VPS13D: variants seen among roughly 807,000 people sequenced by gnomAD.
The protein encoded by VPS13D is intermembrane lipid transfer protein VPS13D.
In VPS13D, 187 loss-of-function variants were observed where a neutral mutation model predicts 461.9. The observed-to-expected ratio is 0.40, with a 90% CI of 0.36 to 0.46. VPS13D has a LOEUF of 0.46. VPS13D is among the 20% of genes least tolerant of loss of function. The pLI, the probability that VPS13D is intolerant of heterozygous loss-of-function variation, is 0.60. For missense variants in VPS13D, 4,711 were observed against 5,364.9 expected, an observed-to-expected ratio of 0.88 and a Z score of 3.81; for synonymous variants, 1,951 against 1,986.3, an observed-to-expected ratio of 0.98 and a Z score of 0.47.
intron 67 of VPS13D, among the ~76,000 whole-genome samples, chr1:12,479,108 A>C (rs1645677113): frequency 6.6e-6 from 1 of 152,242 alleles, no homozygotes; most frequent in Non-Finnish European, 1.5e-5. Flanking sequence ...TAGGGAGGGC[A>C]TGTAGAAATA....
intron 50 of VPS13D, among the ~76,000 whole-genome samples, chr1:12,361,206 AATT>A (rs758455206): frequency 3.9e-5 from 6 of 152,030 alleles, no homozygotes; most frequent in South Asian, 2.1e-4. Context: ...AGAGACCAGT[AATT>A]ATTATTATTG....
chr1:12,277,744 G>A lies in VPS13D; in HGVS notation c.4156G>A (p.Val1386Ile), dbSNP rs1641658660. The change falls in exon 19 of 70, where the codon GTT becomes ATT. Residue 1386 changes from valine (V) to isoleucine (I), a missense_variant. Physicochemically the swap from Val to Ile is conservative, Grantham distance 29. Coordinates refer to ENST00000620676, the MANE Select transcript of VPS13D (RefSeq NM_015378.4). ...GAACATAAACATTGAATCACCAGTT[G>A]TTTCTATCCCTCGGAAGCCGGGGAG... ...ILNINIESPVVSIPRKPGSPE... is the reference protein window; with the variant it reads ...ILNINIESPVISIPRKPGSPE... 1.1e-5 allele frequency: 18 copies of A among 1,614,110 alleles called. No homozygotes were observed. Among genetic ancestry groups the A allele is most frequent in the Non-Finnish European group, 1.5e-5 (18 of 1,180,040 alleles).
At chr1:12,391,736 A>T (rs1195300689) in intron 60 of VPS13D, among the ~76,000 whole-genome samples, 1 of 152,162 alleles carries the variant, frequency 6.6e-6, no homozygotes, top group Non-Finnish European at 1.5e-5. Context: ...AAAATCTTTC[A>T]TTTGGGTAAC....
At chr1:12,468,761 G>T (rs1374330907) in intron 67 of VPS13D, among the ~76,000 whole-genome samples, 4 of 152,186 alleles carry the variant, frequency 2.6e-5, no homozygotes, top group Admixed American at 2.0e-4. Context: ...GGCTGGGCGC[G>T]GTGGCTCACG....
intron 24 of VPS13D, among the ~76,000 whole-genome samples, chr1:12,297,021 G>T (rs1642298866): frequency 6.6e-6 from 1 of 152,200 alleles, no homozygotes; most frequent in African/African-American, 2.4e-5. Context: ...CAATATGTAG[G>T]CTTTGAAGAG....
chr1:12,464,323 CCAAGAGTT>C (rs1365052461), intron 67 of VPS13D, among the ~76,000 whole-genome samples: 1 of 152,206 alleles, frequency 6.6e-6, no homozygotes, highest in Non-Finnish European at 1.5e-5. Context: ...ACCCAAGAGT[CCAAGAGTT>C]CTGCCTCTGA....
chr1:12,342,620 A>T (rs565706740), intron 41 of VPS13D, among the ~76,000 whole-genome samples: 3 of 152,250 alleles, frequency 2.0e-5, no homozygotes, highest in Non-Finnish European at 4.4e-5. Flanking sequence ...CACTTGAAAA[A>T]GTCATGCCTT....
At chr1:12,234,666 T>G (rs1279294121) in intron 2 of VPS13D, among the ~76,000 whole-genome samples, 2 of 152,240 alleles carry the variant, frequency 1.3e-5, no homozygotes, top group African/African-American at 4.8e-5. Flanking sequence ...GCAGCCACAA[T>G]GTACCGACAG....
chr1:12,293,738 A>G lies in VPS13D; in HGVS notation c.6033+34A>G, dbSNP rs940418615. The G allele has an allele frequency of 1.9e-6, 3 of 1,596,104 alleles. No individual in the cohort carries two copies. The African/African-American group carries it at 4.0e-5, about 21-fold the overall frequency. On this transcript the variant is annotated intron_variant, in intron 24 of 69. Coordinates refer to ENST00000620676, the MANE Select transcript of VPS13D (RefSeq NM_015378.4). ...CCTGGGCCCTCCAAGCTGCTTTTCC[A>G]GTTTGACTGATCAGTAGAACTTTTA...
intron 2 of VPS13D, among the ~76,000 whole-genome samples, chr1:12,237,137 A>C (rs558395807): frequency 8.1e-5 from 12 of 148,080 alleles, no homozygotes; most frequent in African/African-American, 2.1e-4. Context: ...GTGTATATAT[A>C]TGTGTGTGTG....
intron 67 of VPS13D, among the ~76,000 whole-genome samples, chr1:12,466,345 T>G (rs542189235): frequency 6.6e-5 from 10 of 152,306 alleles, no homozygotes; most frequent in African/African-American, 2.4e-4. Context: ...ATTCAAATGT[T>G]TATTAGGATA....
intron 65 of VPS13D, among the ~76,000 whole-genome samples, chr1:12,422,873 G>C (rs1018544911): frequency 1.0e-4 from 15 of 150,106 alleles, no homozygotes; most frequent in African/African-American, 3.4e-4. Flanking sequence ...TTTCTTACAG[G>C]ATGTTTTTCC....
At chr1:12,432,209 C>G (rs941287372) in intron 65 of VPS13D, among the ~76,000 whole-genome samples, 1 of 151,928 alleles carries the variant, frequency 6.6e-6, no homozygotes, top group African/African-American at 2.4e-5. Flanking sequence ...GCCTGACTAA[C>G]TTGGAGAAAC....
intron 39 of VPS13D, chr1:12,337,144 G>A (rs1460411756): frequency 6.6e-6 from 1 of 151,986 alleles, no homozygotes; most frequent in Non-Finnish European, 1.5e-5. Context: ...CTGAGTTAAA[G>A]CTTGATTTTT....
chr1:12,442,366 C>G (rs1414001084), intron 65 of VPS13D, among the ~76,000 whole-genome samples: 1 of 152,146 alleles, frequency 6.6e-6, no homozygotes, highest in Non-Finnish European at 1.5e-5. Flanking sequence ...TAATCACCTT[C>G]TAAGTGCTCT....
At position 12,348,811 on chromosome 1, in the gene VPS13D, G is replaced by A. The variant is rs1429268760; in HGVS notation, c.9070-12G>A. 1.2e-5 allele frequency: 20 copies of A among 1,611,652 alleles called. No individual in the cohort carries two copies. Among genetic ancestry groups the A allele is most frequent in the East Asian group, 2.2e-5 (1 of 44,810 alleles). The stretch of plus-strand genomic sequence containing the variant: ...GAAACATAACTATTTTGTCTTTATC[G>A]CTCTTTCACAGTTCTCTTCACTCCC... On this transcript the variant is annotated splice_polypyrimidine_tract_variant and intron_variant, in intron 44 of 69. Transcript: ENST00000620676.
chr1:12,442,602 T>C (rs1041132595), intron 65 of VPS13D, among the ~76,000 whole-genome samples: 11 of 150,852 alleles, frequency 7.3e-5, no homozygotes, highest in African/African-American at 2.5e-4. Flanking sequence ...TTTTTTTTTT[T>C]CCTTTTCTCT....
At chr1:12,478,772 T>C (rs534448581) in intron 67 of VPS13D, 1 of 456,104 alleles carries the variant, frequency 2.2e-6, no homozygotes, top group South Asian at 1.5e-5. Context: ...TAGTGCTTTC[T>C]TCAGAGTAGC....
chr1:12,319,269 C>G, intron 31 of VPS13D, among the ~76,000 whole-genome samples: 1 of 152,156 alleles, frequency 6.6e-6, no homozygotes, highest in East Asian at 1.9e-4. Context: ...AAATCACATC[C>G]CAGTCTTTCC....
Sources: gnomAD v4.1 joint callset for allele counts (sites outside exome capture counted in the v4.1 genomes callset) on GRCh38, gnomAD v4.1.1 for gene constraint, MANE v1.5 for transcripts, NCBI Gene and HGNC (gene_info 2026-07-23, HGNC 2026-07-21) for gene names.